Variants in ZNF423 observed in about 807,000 individuals in gnomAD.
ZNF423 encodes Ebf-associated zinc finger protein.
Under a neutral mutation model 95.8 loss-of-function variants are expected in ZNF423, and 12 were observed. The observed-to-expected ratio is 0.13, with a 90% CI of 0.08 to 0.20. The LOEUF is 0.20. Among genes scored for constraint, ZNF423 ranks in the 10% least tolerant of loss-of-function variants. The probability of loss-of-function intolerance (pLI) is 1.00; values close to 1 mark genes in which losing one functional copy is unlikely to be tolerated. For synonymous variants in ZNF423, 749 were observed against 711.9 expected (o/e 1.05, Z -0.83); for missense variants, 1,316 against 1,737.1 (o/e 0.76, Z 4.31).
At chr16:49,835,740 G>C (rs575994545) in intron 1 of ZNF423, among the ~76,000 whole-genome samples, 1 of 152,336 alleles carries the variant, frequency 6.6e-6, no homozygotes, top group South Asian at 2.1e-4. Flanking sequence ...GGAGGTGGTG[G>C]GGGGGCAGAG....
intron 1 of ZNF423, among the ~76,000 whole-genome samples, chr16:49,851,350 C>A (rs563604065): frequency 1.3e-5 from 2 of 152,304 alleles, no homozygotes; most frequent in South Asian, 4.1e-4. Context: ...AGGTTCCTTT[C>A]GTTTACACAT....
At chr16:49,599,309 C>T (rs979966128) in intron 5 of ZNF423, among the ~76,000 whole-genome samples, 3 of 152,216 alleles carry the variant, frequency 2.0e-5, no homozygotes, top group Non-Finnish European at 4.4e-5. Context: ...TGCACACTCA[C>T]CCCACTGCAA....
intron 3 of ZNF423, among the ~76,000 whole-genome samples, chr16:49,642,393 G>A (rs912300546): frequency 7.9e-5 from 12 of 152,142 alleles, no homozygotes; most frequent in African/African-American, 1.4e-4. Context: ...TAACCTGCCC[G>A]GCACCAGAGT....
chr16:49,549,009 T>C (rs773826018), intron 5 of ZNF423, among the ~76,000 whole-genome samples: 17 of 152,382 alleles, frequency 1.1e-4, no homozygotes, highest in Middle Eastern at 3.4e-3. Flanking sequence ...TTGCATTTTT[T>C]TTCTTAAGTG....
chr16:49,731,856 G>A (rs1158391481), intron 2 of ZNF423, among the ~76,000 whole-genome samples: 1 of 152,102 alleles, frequency 6.6e-6, no homozygotes, highest in East Asian at 1.9e-4. Flanking sequence ...TACAGGCCTA[G>A]ACAGTTAGAA....
At chr16:49,768,221 C>A (rs2033964712) in intron 2 of ZNF423, among the ~76,000 whole-genome samples, 1 of 152,208 alleles carries the variant, frequency 6.6e-6, no homozygotes, top group African/African-American at 2.4e-5. Context: ...TGGGTACGTC[C>A]CTGAGCGGGA....
chr16:49,709,058 A>G (rs2032454241), intron 3 of ZNF423, among the ~76,000 whole-genome samples: 1 of 151,880 alleles, frequency 6.6e-6, no homozygotes, highest in Non-Finnish European at 1.5e-5. Flanking sequence ...CAAGACACCT[A>G]CTATGTACCA....
At position 49,523,705 on chromosome 16, in the gene ZNF423, G is replaced by A; in HGVS notation, c.3768C>T (p.Ile1256=). 1.2e-6 allele frequency: 2 copies of A among 1,614,084 alleles called. No individual in the cohort carries two copies. The highest frequency in any genetic ancestry group is 1.7e-6 in the Non-Finnish European group (2 of 1,180,036). Residue 1256 remains isoleucine (I), a synonymous_variant, in exon 7 of 8, where the codon ATC becomes ATT. Transcript: ENST00000563137. The part of the protein sequence containing the change: ...FVQANKLQQH[I]FAVHGQEDKI... ...TGTCCTCCTGCCCGTGCACGGCAAA[G>A]ATGTGCTGCTGCAACTTGTTGGCCT...
chr16:49,852,762 C>G (rs2144130023), intron 1 of ZNF423, among the ~76,000 whole-genome samples: 1 of 151,992 alleles, frequency 6.6e-6, no homozygotes, highest in African/African-American at 2.4e-5. Flanking sequence ...CTATTCTCCC[C>G]CCTCCCCTAG....
In ZNF423 at chr16:49,643,021, A is replaced by G. The variant is rs544765661; in HGVS notation, c.302-4147T>C. Among the ~76,000 whole-genome samples, 8 of 152,076 alleles carry G rather than the reference A, an allele frequency of 5.3e-5. No homozygotes were observed. In the South Asian group the frequency reaches 1.7e-3, roughly 32 times the overall value. ...TTTTTAGTAGAGACAGGGTTTCACC[A>G]TGTTGGCCAGGCTGGTCTCGAACTC... On this transcript the variant is annotated intron_variant, in intron 3 of 7. Transcript: ENST00000563137.
intron 5 of ZNF423, among the ~76,000 whole-genome samples, chr16:49,532,661 G>A (rs1167184302): frequency 6.6e-6 from 1 of 152,216 alleles, no homozygotes; most frequent in East Asian, 1.9e-4. Flanking sequence ...GGGGAGCTGG[G>A]TGTAGTCCTC....
At chr16:49,765,583 T>G (rs1265713766) in intron 2 of ZNF423, among the ~76,000 whole-genome samples, 1 of 151,744 alleles carries the variant, frequency 6.6e-6, no homozygotes. Flanking sequence ...AGCTGGACAT[T>G]GTAGCATGCA....
intron 3 of ZNF423, among the ~76,000 whole-genome samples, chr16:49,674,893 C>G (rs1224666197): frequency 2.6e-4 from 40 of 152,142 alleles, no homozygotes; most frequent in Non-Finnish European, 1.2e-4. Context: ...ATCATGACCA[C>G]CCCTGCTTCC....
chr16:49,771,578 G>A (rs189894030), intron 2 of ZNF423, among the ~76,000 whole-genome samples: 33 of 152,164 alleles, frequency 2.2e-4, no homozygotes, highest in Middle Eastern at 6.8e-3. Context: ...TGAATCATGG[G>A]GGCAGTTTCC....
rs200311464 is a variant in ZNF423, at chr16:49,490,918, GA to G, written c.*356del. Reference sequence around the variant, plus strand: ...ACAAGAAAGAAAAAAAAGAAGCAAAGAAAAAAAATCACACTAATTCTTTTTT... The same window carrying G: ...ACAAGAAAGAAAAAAAAGAAGCAAAGAAAAAAATCACACTAATTCTTTTTT... On this transcript the variant is annotated 3_prime_UTR_variant, in exon 8 of 8. Coordinates refer to ENST00000563137, the MANE Select transcript of ZNF423 (RefSeq NM_001379286.1). 0.01 allele frequency: 2,246 copies of G among 222,484 alleles called. 61 individuals carry two copies. The highest frequency in any genetic ancestry group is 0.048 in the African/African-American group (2,116 of 43,812). 13.8% of individuals were successfully genotyped at this position (222,484 alleles called of 1,614,324 possible). A position where few individuals can be genotyped will look rare whatever the true frequency, so the allele number is the denominator to read the frequency against.
chr16:49,649,831 G>A (rs1472527311), intron 3 of ZNF423, among the ~76,000 whole-genome samples: 1 of 152,206 alleles, frequency 6.6e-6, no homozygotes, highest in Admixed American at 6.5e-5. Context: ...TCTTTCCTCA[G>A]AGGTAAGCCA....
intron 3 of ZNF423, among the ~76,000 whole-genome samples, chr16:49,696,868 A>G (rs1194750163): frequency 6.6e-6 from 1 of 152,182 alleles, no homozygotes; most frequent in Non-Finnish European, 1.5e-5. Context: ...TCTCCTCTCC[A>G]GGCCCCAAAA....
chr16:49,824,157 T>A (rs528676055), intron 1 of ZNF423, among the ~76,000 whole-genome samples: 2 of 152,190 alleles, frequency 1.3e-5, no homozygotes, highest in African/African-American at 4.8e-5. Flanking sequence ...TGGGGGGGAA[T>A]GTCCCAAAAT....
intron 3 of ZNF423, among the ~76,000 whole-genome samples, chr16:49,645,538 T>C (rs1973138016): frequency 6.6e-6 from 1 of 152,238 alleles, no homozygotes; most frequent in Non-Finnish European, 1.5e-5. Context: ...TGACTCCCAA[T>C]GCTAGATGCT....
Sources: allele counts gnomAD v4.1 joint callset (sites outside exome capture counted in the v4.1 genomes callset), GRCh38; gene constraint gnomAD v4.1.1; transcripts MANE v1.5; gene names NCBI Gene and HGNC (gene_info 2026-07-23, HGNC 2026-07-21).